Variants in RAP1GDS1 observed in about 807,000 individuals in gnomAD.
RAP1GDS1 encodes RAP1, GTP-GDP dissociation stimulator 1.
A neutral mutation model predicts 71.1 loss-of-function variants in RAP1GDS1; 35 were observed. That is an observed-to-expected ratio of 0.49 (90% confidence interval 0.38 to 0.65). RAP1GDS1 has a LOEUF of 0.65. Ranked by LOEUF, RAP1GDS1 falls within the 30% of genes least tolerant of loss-of-function variation. RAP1GDS1 has a pLI of 0.00. For missense variants in RAP1GDS1, 663 were observed against 706.1 expected, an observed-to-expected ratio of 0.94 and a Z score of 0.69; for synonymous variants, 229 against 243.1, an observed-to-expected ratio of 0.94 and a Z score of 0.54.
intron 1 of RAP1GDS1, among the ~76,000 whole-genome samples, chr4:98,277,618 T>C (rs1358994428): frequency 6.6e-6 from 1 of 152,234 alleles, no homozygotes; most frequent in Non-Finnish European, 1.5e-5. Flanking sequence ...TTCTGAGTTC[T>C]ACTGACCTCT....
chr4:98,331,821 G>A (rs964143024), intron 2 of RAP1GDS1, among the ~76,000 whole-genome samples: 1 of 152,162 alleles, frequency 6.6e-6, no homozygotes, highest in Non-Finnish European at 1.5e-5. Context: ...GCCTGCCAAA[G>A]ATGTCAAAAG....
chr4:98,392,627 G>C (rs1743882636), intron 6 of RAP1GDS1, among the ~76,000 whole-genome samples: 1 of 152,154 alleles, frequency 6.6e-6, no homozygotes, highest in Admixed American at 6.5e-5. Flanking sequence ...CTTGAGCCCA[G>C]GAGGCAGAGG....
chr4:98,267,442 CA>C (rs1722851001), intron 1 of RAP1GDS1, among the ~76,000 whole-genome samples: 1 of 152,110 alleles, frequency 6.6e-6, no homozygotes, highest in Non-Finnish European at 1.5e-5. Flanking sequence ...TCCCATCACC[CA>C]GGTAGTGTGC....
chr4:98,430,102 C>T (rs1262344392), intron 12 of RAP1GDS1, among the ~76,000 whole-genome samples: 4 of 152,056 alleles, frequency 2.6e-5, no homozygotes, highest in African/African-American at 4.8e-5. Context: ...TCCCACTTCT[C>T]GCCCATCCCC....
chr4:98,290,752 T>G (rs1422426171), intron 1 of RAP1GDS1, among the ~76,000 whole-genome samples: 3 of 152,110 alleles, frequency 2.0e-5, no homozygotes, highest in African/African-American at 7.2e-5. Context: ...GCATCAGGTT[T>G]TATCCAAATG....
rs545390656 is a variant in RAP1GDS1, at chr4:98,278,982, G to A, written c.5-14426G>A. Among the ~76,000 whole-genome samples, 173 of 152,260 alleles carry A rather than the reference G, an allele frequency of 1.1e-3. 1 individual carries two copies. The South Asian group carries it at 0.018, about 16-fold the overall frequency. ...TCACGCCTGTAATCCCAGCACTTTG[G>A]GAGGCCAAGGCGGGTGGATCATGAG... On this transcript the variant is annotated intron_variant, in intron 1 of 14. Transcript: ENST00000408927.
chr4:98,295,895 A>G (rs1206580216), intron 2 of RAP1GDS1, among the ~76,000 whole-genome samples: 1 of 152,074 alleles, frequency 6.6e-6, no homozygotes, highest in Non-Finnish European at 1.5e-5. Flanking sequence ...AACAAGAAAA[A>G]GTAAAATATA....
intron 4 of RAP1GDS1, among the ~76,000 whole-genome samples, chr4:98,357,625 G>A (rs1328386813): frequency 1.3e-5 from 2 of 151,754 alleles, no homozygotes; most frequent in Non-Finnish European, 2.9e-5. Context: ...CAATTACAGA[G>A]CACACACTAA....
At chr4:98,281,463 C>G (rs1014420209) in intron 1 of RAP1GDS1, among the ~76,000 whole-genome samples, 6 of 152,082 alleles carry the variant, frequency 3.9e-5, no homozygotes, top group Non-Finnish European at 5.9e-5. Context: ...GATTTTGTAT[C>G]CTGAGACTTT....
At chr4:98,424,542 A>T (rs149169713) in intron 12 of RAP1GDS1, among the ~76,000 whole-genome samples, 1 of 152,296 alleles carries the variant, frequency 6.6e-6, no homozygotes, top group East Asian at 1.9e-4. Context: ...TAGGTGGATC[A>T]TTGTGGTCAG....
chr4:98,410,312 GACTT>G (rs1746853128), intron 7 of RAP1GDS1, among the ~76,000 whole-genome samples: 1 of 151,948 alleles, frequency 6.6e-6, no homozygotes, highest in Admixed American at 6.6e-5. Context: ...AAGTCCAACA[GACTT>G]AATATAGATA....
chr4:98,313,004 A>G (rs773094456), intron 2 of RAP1GDS1, among the ~76,000 whole-genome samples: 7 of 142,310 alleles, frequency 4.9e-5, no homozygotes, highest in Non-Finnish European at 9.1e-5. Context: ...GGGAGGTGGA[A>G]CTTGCAGTGA....
At chr4:98,397,207 T>C (rs1744674929) in intron 6 of RAP1GDS1, among the ~76,000 whole-genome samples, 1 of 152,132 alleles carries the variant, frequency 6.6e-6, no homozygotes, top group Admixed American at 6.5e-5. Context: ...CGAGTCCCAA[T>C]GAATGTGTTT....
intron 1 of RAP1GDS1, among the ~76,000 whole-genome samples, chr4:98,279,062 A>G (rs1182568976): frequency 6.6e-6 from 1 of 152,122 alleles, no homozygotes; most frequent in Non-Finnish European, 1.5e-5. Context: ...CTCTACTAAA[A>G]ATACAAAAAA....
At chr4:98,342,090 G>C (rs557956287) in intron 2 of RAP1GDS1, among the ~76,000 whole-genome samples, 7 of 151,986 alleles carry the variant, frequency 4.6e-5, no homozygotes, top group South Asian at 2.1e-4. Flanking sequence ...TAATGGATTG[G>C]GACCCACAGT....
At chr4:98,288,486 A>T (rs1020730665) in intron 1 of RAP1GDS1, among the ~76,000 whole-genome samples, 1 of 152,160 alleles carries the variant, frequency 6.6e-6, no homozygotes, top group Non-Finnish European at 1.5e-5. Context: ...GTGCCGCAGT[A>T]AACATACGTG....
At chr4:98,275,684 A>G (rs10470953) in intron 1 of RAP1GDS1, among the ~76,000 whole-genome samples, 6,327 of 152,204 alleles carry the variant, frequency 0.042, 307 homozygotes, top group African/African-American at 0.12. Context: ...GTAGTGCTGC[A>G]CTACTTCACC....
chr4:98,294,721 C>T (rs1727461381), intron 2 of RAP1GDS1, among the ~76,000 whole-genome samples: 1 of 152,134 alleles, frequency 6.6e-6, no homozygotes, highest in African/African-American at 2.4e-5. Flanking sequence ...GATGACCACT[C>T]TCTTGGGGAT....
At chr4:98,363,895 G>A (rs927588879) in intron 4 of RAP1GDS1, among the ~76,000 whole-genome samples, 59 of 152,272 alleles carry the variant, frequency 3.9e-4, no homozygotes, top group African/African-American at 1.3e-3. Context: ...AGTATTTGGA[G>A]TGATGGATTG....
Sources: allele counts gnomAD v4.1 joint callset (sites outside exome capture counted in the v4.1 genomes callset), GRCh38; gene constraint gnomAD v4.1.1; transcripts MANE v1.5; gene names NCBI Gene and HGNC (gene_info 2026-07-23, HGNC 2026-07-21).